MTA3: variants seen among roughly 807,000 people sequenced by gnomAD.
MTA3 encodes metastasis associated 1 family member 3, also known as metastasis-associated protein MTA3.
Under a neutral mutation model 83.5 loss-of-function variants are expected in MTA3, and 34 were observed. The ratio of observed to expected loss-of-function variants is 0.41; its 90% CI spans 0.31 to 0.54. MTA3 has a LOEUF of 0.54. Ranked by LOEUF, MTA3 falls within the 20% of genes least tolerant of loss-of-function variation. MTA3 has a pLI of 0.33. For synonymous variants in MTA3, 303 were observed against 252.7 expected (o/e 1.20, Z -1.89); for missense variants, 761 against 726.4 (o/e 1.05, Z -0.55).
chr2:42,637,336 G>T (rs1687296903), intron 4 of MTA3, among the ~76,000 whole-genome samples: 1 of 152,128 alleles, frequency 6.6e-6, no homozygotes, highest in South Asian at 2.1e-4. Flanking sequence ...ATTATTTAAG[G>T]ATTAAAATAT....
Position 42,754,244 on chromosome 2 carries a change from G to A in MTA3, c.*845G>A. Reference sequence around the variant, plus strand: ...CCAAACCAGCTGATGAAGAACTGCTGCCAGGTGGGTCCTACAGCAGGTCAC... The same window carrying A: ...CCAAACCAGCTGATGAAGAACTGCTACCAGGTGGGTCCTACAGCAGGTCAC... On this transcript the variant is annotated 3_prime_UTR_variant, in exon 17 of 17. Transcript: ENST00000405094. The A allele has an allele frequency of 1.0e-6, 1 of 985,488 alleles. No individual in the cohort carries two copies. The highest frequency in any genetic ancestry group is 1.2e-6 in the Non-Finnish European group (1 of 829,976). 61.0% of individuals were successfully genotyped at this position (985,488 alleles called of 1,614,324 possible). A position where few individuals can be genotyped will look rare whatever the true frequency, so the allele number is the denominator to read the frequency against.
intron 2 of MTA3, among the ~76,000 whole-genome samples, chr2:42,577,718 A>G (rs1034283584): frequency 1.3e-5 from 2 of 152,080 alleles, no homozygotes; most frequent in Admixed American, 6.6e-5. Context: ...TGACCTCGTG[A>G]TCTGCCCACC....
rs74823706 is a variant in MTA3 at position 42,754,822 on chromosome 2, G to A, written c.*1423G>A. 1.9e-5 allele frequency: 19 copies of A among 985,546 alleles called. No homozygotes were observed. In the East Asian group the frequency reaches 1.9e-3, roughly 100 times the overall value. The allele number at this position is 985,546 out of a possible 1,614,324, so 61.1% of individuals were successfully genotyped here. On this transcript the variant is annotated 3_prime_UTR_variant, in exon 17 of 17. Coordinates refer to ENST00000405094, the MANE Select transcript of MTA3 (RefSeq NM_001330442.2). ...ACTTGGTAAGGATAATGATGCTGTA[G>A]ATGTCTGTGTCCTCGGAGGCTGAGC...
intron 14 of MTA3, chr2:42,709,380 A>G (rs938398850): frequency 3.6e-6 from 4 of 1,101,352 alleles, no homozygotes; most frequent in Non-Finnish European, 4.7e-6. Context: ...GGGTTTTGTG[A>G]TGGAATTGCC....
chr2:42,558,839 G>T (rs892460449), intron 2 of MTA3, among the ~76,000 whole-genome samples: 7 of 151,806 alleles, frequency 4.6e-5, no homozygotes, highest in African/African-American at 1.5e-4. Context: ...ACAGGCGTGA[G>T]CCACCGTGCC....
At chr2:42,743,052 C>A (rs1204526179) in intron 16 of MTA3, among the ~76,000 whole-genome samples, 1 of 152,098 alleles carries the variant, frequency 6.6e-6, no homozygotes, top group Non-Finnish European at 1.5e-5. Context: ...CTATCAGAGA[C>A]CCTACAGTAG....
Position 42,659,774 on chromosome 2 carries a change from C to G in MTA3, c.614C>G (p.Thr205Arg). Residue 205 changes from threonine (T) to arginine (R), a missense_variant, in exon 8 of 17, where the codon ACA (threonine) becomes AGA (arginine). Coordinates refer to ENST00000405094, the MANE Select transcript of MTA3 (RefSeq NM_001330442.2). Reference sequence around the variant, plus strand: ...TGTGGTTTATTCAGTGCTGTTGGGACATTCGCCAGAGCCCTGGATTGCAGC... The same window carrying G: ...TGTGGTTTATTCAGTGCTGTTGGGAGATTCGCCAGAGCCCTGGATTGCAGC... ...QFLVVARAVG[T>R]FARALDCSSS... The G allele has an allele frequency of 1.3e-6, 2 of 1,597,264 alleles. No homozygotes were observed. The highest frequency in any genetic ancestry group is 1.7e-6 in the Non-Finnish European group (2 of 1,172,132).
intron 3 of MTA3, among the ~76,000 whole-genome samples, chr2:42,588,235 C>A (rs1202155451): frequency 6.6e-6 from 1 of 152,100 alleles, no homozygotes; most frequent in Non-Finnish European, 1.5e-5. Flanking sequence ...GATTTATATA[C>A]ATGTAGATTC....
intron 4 of MTA3, among the ~76,000 whole-genome samples, chr2:42,610,833 G>A (rs944816543): frequency 6.6e-6 from 1 of 152,086 alleles, no homozygotes; most frequent in Non-Finnish European, 1.5e-5. Context: ...GTGTGAGCAA[G>A]TGCAGTGTTT....
intron 2 of MTA3, among the ~76,000 whole-genome samples, chr2:42,539,943 A>T (rs893486313): frequency 1.3e-5 from 2 of 152,108 alleles, no homozygotes; most frequent in Non-Finnish European, 2.9e-5. Context: ...TCCTGAGAAC[A>T]TATCTCTCTT....
intron 9 of MTA3, among the ~76,000 whole-genome samples, chr2:42,685,940 G>T (rs998999738): frequency 3.3e-5 from 5 of 152,204 alleles, no homozygotes; most frequent in Non-Finnish European, 7.3e-5. Context: ...ACAGGTACAT[G>T]ATGTTGTTGG....
chr2:42,694,815 T>A (rs1017159811), intron 9 of MTA3, among the ~76,000 whole-genome samples: 1 of 152,174 alleles, frequency 6.6e-6, no homozygotes, highest in East Asian at 1.9e-4. Flanking sequence ...CAGCCCCACC[T>A]GTAGCTTGAG....
chr2:42,558,323 C>T (rs1323003565), intron 2 of MTA3, among the ~76,000 whole-genome samples: 1 of 149,862 alleles, frequency 6.7e-6, no homozygotes, highest in Non-Finnish European at 1.5e-5. Context: ...CTCACTGCAA[C>T]CTTTGCCTTC....
chr2:42,533,397 G>A (rs1676068889), intron 2 of MTA3: 1 of 151,058 alleles, frequency 6.6e-6, no homozygotes, highest in Non-Finnish European at 1.5e-5. Flanking sequence ...CCAACTCCAT[G>A]TTTTCTAAAA....
intron 7 of MTA3, among the ~76,000 whole-genome samples, chr2:42,656,985 G>A (rs1051584253): frequency 1.3e-5 from 2 of 152,128 alleles, no homozygotes; most frequent in African/African-American, 2.4e-5. Context: ...TCATTTATGT[G>A]TATACAGAGT....
chr2:42,645,354 A>G (rs1688081451), intron 6 of MTA3, among the ~76,000 whole-genome samples: 1 of 152,012 alleles, frequency 6.6e-6, no homozygotes, highest in Non-Finnish European at 1.5e-5. Context: ...GTGAAATGCC[A>G]TCTCTACTAA....
chr2:42,664,396 A>G (rs1690023355), intron 8 of MTA3, among the ~76,000 whole-genome samples: 1 of 150,630 alleles, frequency 6.6e-6, no homozygotes, highest in African/African-American at 2.5e-5. Context: ...TTCATCATTC[A>G]GTTGAATTTG....
At chr2:42,504,913 C>G (rs1674562515) in intron 2 of MTA3, among the ~76,000 whole-genome samples, 1 of 152,138 alleles carries the variant, frequency 6.6e-6, no homozygotes, top group African/African-American at 2.4e-5. Flanking sequence ...TCTTTGTAAT[C>G]TTCACCCCAG....
rs750873690 is a variant in MTA3 at position 42,570,501 on chromosome 2, C to G, written c.93C>G (p.Asn31Lys). 4 of 1,507,906 alleles carry G rather than the reference C, an allele frequency of 2.7e-6. No homozygotes were observed. In the African/African-American group the frequency reaches 5.6e-5, roughly 21 times the overall value. 93.4% of individuals were successfully genotyped at this position (1,507,906 alleles called of 1,614,324 possible). ...PYLIRRIEEL[N>K]KTASGNVEAK... is the part of the protein sequence containing the mutation. ...TAATAAGAAGGATAGAAGAACTCAA[C>G]AAGGTATACACTGAGTGTTCTTAAT... Residue 31 changes from asparagine to lysine, a missense_variant, in exon 2 of 17, where the codon AAC (asparagine) becomes AAG (lysine). By Grantham distance (94) the Asn-to-Lys change is moderately conservative. Coordinates refer to ENST00000405094, the MANE Select transcript of MTA3 (RefSeq NM_001330442.2).
Sources: gnomAD v4.1 joint callset for allele counts (sites outside exome capture counted in the v4.1 genomes callset) on GRCh38, gnomAD v4.1.1 for gene constraint, MANE v1.5 for transcripts, NCBI Gene and HGNC (gene_info 2026-07-23, HGNC 2026-07-21) for gene names.